The following ZMYM2 variants were observed in gnomAD, a reference collection of about 807,000 sequenced individuals.
ZMYM2 encodes zinc finger MYM-type protein 2.
ZMYM2 carries 56 observed loss-of-function variants against 162.8 expected under a neutral mutation model. The observed-to-expected ratio is 0.34, with a 90% CI of 0.28 to 0.43. The LOEUF is 0.43. Ranked by LOEUF, ZMYM2 falls within the 20% of genes least tolerant of loss-of-function variation. The probability of loss-of-function intolerance (pLI) is 1.00; values close to 1 mark genes in which losing one functional copy is unlikely to be tolerated. For synonymous variants in ZMYM2, 510 were observed against 541.6 expected, an observed-to-expected ratio of 0.94 and a Z score of 0.81; for missense variants, 1,275 against 1,621.8, an observed-to-expected ratio of 0.79 and a Z score of 3.67.
At chr13:19,904,362 G>T in the ZMYM2 span, among the ~76,000 whole-genome samples, 1 of 151,678 alleles carries the variant, frequency 6.6e-6, no homozygotes, top group Non-Finnish European at 1.5e-5. Context: ...TTCGCGACCA[G>T]CCTGGCTAAC....
chr13:20,072,973 A>AT (rs1957206810), intron 21 of ZMYM2, among the ~76,000 whole-genome samples: 1 of 149,978 alleles, frequency 6.7e-6, no homozygotes, highest in Non-Finnish European at 1.5e-5. Context: ...CAGTGGTGTG[A>AT]TTTTGGCTCA....
intron 2 of ZMYM2, among the ~76,000 whole-genome samples, chr13:19,985,927 A>G (rs1301072993): frequency 6.6e-6 from 1 of 150,632 alleles, no homozygotes; most frequent in Non-Finnish European, 1.5e-5. Flanking sequence ...ACGTGCGCCT[A>G]TAAATCCCAG....
At chr13:19,930,573 T>C in the ZMYM2 span, among the ~76,000 whole-genome samples, 1 of 150,902 alleles carries the variant, frequency 6.6e-6, no homozygotes. Flanking sequence ...AGTCTCACTC[T>C]GTGGCCCAGG....
At chr13:19,939,866 G>A in the ZMYM2 span, among the ~76,000 whole-genome samples, 2 of 151,978 alleles carry the variant, frequency 1.3e-5, no homozygotes, top group Non-Finnish European at 2.9e-5. Flanking sequence ...AGGTACTATT[G>A]TTTATATCTA....
chr13:19,945,453 T>A, the ZMYM2 span, among the ~76,000 whole-genome samples: 2,365 of 152,176 alleles, frequency 0.016, 56 homozygotes, highest in African/African-American at 0.053. Context: ...GGTTTCACCA[T>A]GTTACCCTGG....
the ZMYM2 span, among the ~76,000 whole-genome samples, chr13:19,935,237 G>A: frequency 1.3e-5 from 2 of 152,144 alleles, no homozygotes; most frequent in African/African-American, 4.8e-5. Context: ...AGGTTCAAGA[G>A]ATTCTCCTGC....
At chr13:19,894,148 G>A in the ZMYM2 span, among the ~76,000 whole-genome samples, 2 of 151,680 alleles carry the variant, frequency 1.3e-5, no homozygotes, top group Non-Finnish European at 2.9e-5. Flanking sequence ...CTTACGATGG[G>A]GTTACGTCTT....
intron 2 of ZMYM2, among the ~76,000 whole-genome samples, chr13:19,978,668 G>C (rs1355797630): frequency 6.6e-6 from 1 of 152,050 alleles, no homozygotes; most frequent in Admixed American, 6.5e-5. Flanking sequence ...GCCTTCCTTG[G>C]CCTCCCAAAG....
chr13:19,887,369 AAAT>A, the ZMYM2 span, among the ~76,000 whole-genome samples: 1 of 151,522 alleles, frequency 6.6e-6, no homozygotes. Context: ...TCTCTATTAA[AAAT>A]ATAAAAATTA....
chr13:19,947,620 A>G, the ZMYM2 span, among the ~76,000 whole-genome samples: 10 of 151,526 alleles, frequency 6.6e-5, no homozygotes, highest in Non-Finnish European at 5.9e-5. Flanking sequence ...CACCACGCCC[A>G]GCTAATTTTT....
At chr13:19,915,046 T>A in the ZMYM2 span, among the ~76,000 whole-genome samples, 1 of 152,166 alleles carries the variant, frequency 6.6e-6, no homozygotes, top group African/African-American at 2.4e-5. Flanking sequence ...ACCAAAACTT[T>A]AGCCTCCCGG....
At chr13:19,884,471 G>A in the ZMYM2 span, among the ~76,000 whole-genome samples, 4 of 152,020 alleles carry the variant, frequency 2.6e-5, no homozygotes, top group African/African-American at 4.8e-5. Flanking sequence ...CCAGCTACTC[G>A]GGAGGCCGAG....
chr13:19,926,825 G>A, the ZMYM2 span, among the ~76,000 whole-genome samples: 2 of 152,018 alleles, frequency 1.3e-5, no homozygotes, highest in East Asian at 1.9e-4. Flanking sequence ...ACATCACTAC[G>A]CCTGGCTAAT....
chr13:19,940,711 G>C, the ZMYM2 span, among the ~76,000 whole-genome samples: 1 of 152,126 alleles, frequency 6.6e-6, no homozygotes, highest in East Asian at 1.9e-4. Context: ...ATTTCTCTAG[G>C]TAGAACCAGA....
At chr13:19,898,019 C>T in the ZMYM2 span, among the ~76,000 whole-genome samples, 1 of 152,124 alleles carries the variant, frequency 6.6e-6, no homozygotes, top group Non-Finnish European at 1.5e-5. Context: ...ACAGAACACT[C>T]TGCTCAACAA....
chr13:20,008,736 C>T (rs1454609547), intron 6 of ZMYM2, among the ~76,000 whole-genome samples: 1 of 152,012 alleles, frequency 6.6e-6, no homozygotes, highest in Non-Finnish European at 1.5e-5. Flanking sequence ...TCTGTAATGT[C>T]CTTTTTTTTT....
intron 14 of ZMYM2, among the ~76,000 whole-genome samples, chr13:20,054,913 C>T (rs767163596): frequency 2.4e-4 from 36 of 151,866 alleles, no homozygotes; most frequent in Non-Finnish European, 4.1e-4. Context: ...ACTTGCCTGA[C>T]GTCACACAGC....
intron 4 of ZMYM2, among the ~76,000 whole-genome samples, chr13:20,004,673 T>C (rs1950616270): frequency 6.7e-6 from 1 of 149,062 alleles, no homozygotes; most frequent in Non-Finnish European, 1.5e-5. Flanking sequence ...CTAGAACGTA[T>C]ACCATATTCC....
At chr13:19,965,612 A>G (rs1955684269) in intron 2 of ZMYM2, among the ~76,000 whole-genome samples, 2 of 152,182 alleles carry the variant, frequency 1.3e-5, no homozygotes, top group Admixed American at 6.6e-5. Context: ...TTCTAGTTCT[A>G]TAGAACTAAG....
Sources: allele counts gnomAD v4.1 joint callset (sites outside exome capture counted in the v4.1 genomes callset), GRCh38; gene constraint gnomAD v4.1.1; transcripts MANE v1.5; gene names NCBI Gene and HGNC (gene_info 2026-07-23, HGNC 2026-07-21).